The following PTPN2 variants were observed in gnomAD, a reference collection of about 807,000 sequenced individuals.
PTPN2 encodes tyrosine-protein phosphatase non-receptor type 2.
PTPN2 carries 19 observed loss-of-function variants against 57.3 expected under a neutral mutation model. The ratio of observed to expected loss-of-function variants is 0.33; its 90% CI spans 0.23 to 0.49. The LOEUF is 0.49. PTPN2 is among the 20% of genes least tolerant of loss of function. The pLI, the probability that PTPN2 is intolerant of heterozygous loss-of-function variation, is 0.99. For synonymous variants in PTPN2, 153 were observed against 164.9 expected (o/e 0.93, Z 0.55); for missense variants, 358 against 501.1 (o/e 0.71, Z 2.73).
chr18:12,836,400 T>C (rs534770524), intron 3 of PTPN2, among the ~76,000 whole-genome samples: 5 of 152,134 alleles, frequency 3.3e-5, no homozygotes, highest in Admixed American at 6.5e-5. Context: ...TCTGAAGATA[T>C]ATGCGAGGCA....
chr18:12,871,794 G>A (rs2044275658), intron 1 of PTPN2, among the ~76,000 whole-genome samples: 1 of 152,084 alleles, frequency 6.6e-6, no homozygotes, highest in Non-Finnish European at 1.5e-5. Context: ...TGGCTCACAT[G>A]TATAATCCCA....
chr18:12,829,728 T>C (rs1041377669), intron 4 of PTPN2, among the ~76,000 whole-genome samples: 1 of 151,864 alleles, frequency 6.6e-6, no homozygotes, highest in Non-Finnish European at 1.5e-5. Context: ...GGGAATCAAC[T>C]TTTTTTTGGA....
In PTPN2 at chr18:12,817,179, G is replaced by A; in HGVS notation, c.682C>T (p.Leu228=). ...ACCAAAACAAGACAAGTGTCTACCA[G>A]AGAGAAGGTGCCAGAGCGCCCAATG... is the stretch of plus-strand genomic sequence containing the variant. ...AGIGRSGTFS[L]VDTCLVLMEK... Residue 228 remains leucine, a synonymous_variant, in exon 6 of 9, where the codon CTG becomes TTG. Coordinates refer to ENST00000309660, the MANE Select transcript of PTPN2 (RefSeq NM_002828.4). 1.9e-6 allele frequency: 3 copies of A among 1,614,116 alleles called. No homozygotes were observed. The highest frequency in any genetic ancestry group is 1.1e-5 in the South Asian group (1 of 91,076).
chr18:12,867,025 CAAACA>C (rs1050702354), intron 1 of PTPN2, among the ~76,000 whole-genome samples: 30 of 125,612 alleles, frequency 2.4e-4, no homozygotes, highest in African/African-American at 1.0e-3. Context: ...AAAAAACAAA[CAAACA>C]AAAAAAAAAA....
chr18:12,789,935 G>C (rs939081749), downstream of PTPN2, among the ~76,000 whole-genome samples: 3 of 151,844 alleles, frequency 2.0e-5, no homozygotes, highest in Non-Finnish European at 2.9e-5. Context: ...GAGGGAGAGA[G>C]AGACAAATAT....
intron 2 of PTPN2, among the ~76,000 whole-genome samples, chr18:12,852,571 A>G (rs2043435711): frequency 6.6e-6 from 1 of 152,190 alleles, no homozygotes; most frequent in African/African-American, 2.4e-5. Flanking sequence ...GCTGGAGTGC[A>G]GTGGCACAAT....
intron 2 of PTPN2, among the ~76,000 whole-genome samples, chr18:12,850,443 CA>C (rs1490344158): frequency 3.3e-5 from 5 of 151,888 alleles, no homozygotes; most frequent in Admixed American, 6.6e-5. Flanking sequence ...GAGCTGAGAT[CA>C]CACCCCTGCA....
chr18:12,820,945 G>A (rs904943979), intron 5 of PTPN2, among the ~76,000 whole-genome samples: 2 of 152,212 alleles, frequency 1.3e-5, no homozygotes, highest in African/African-American at 2.4e-5. Flanking sequence ...TAACCTGTGA[G>A]TTGAGCAAGT....
chr18:12,867,174 C>T (rs2044024352), intron 1 of PTPN2, among the ~76,000 whole-genome samples: 1 of 151,824 alleles, frequency 6.6e-6, no homozygotes, highest in Non-Finnish European at 1.5e-5. Context: ...AAAAATAAAG[C>T]CAAGCGTAGT....
chr18:12,836,978 G>A, intron 2 of PTPN2, 87 bp from the exon 3 acceptor site: 1 of 799,862 alleles, frequency 1.3e-6, no homozygotes, highest in Non-Finnish European at 2.0e-6. Flanking sequence ...TTTATAAAAA[G>A]ACAGAAGAAA....
chr18:12,793,003 T>G lies in PTPN2; in HGVS notation c.*1275A>C, dbSNP rs1054165185. On this transcript the variant is annotated 3_prime_UTR_variant, in exon 9 of 9. Transcript: ENST00000309660. ...GATGCTGTGGTTGAAAGTAACCTCT[T>G]GACCCACCTGGACATCCAATGAGCA... is the stretch of plus-strand genomic sequence containing the variant. The G allele has an allele frequency of 2.0e-6, 2 of 985,200 alleles. No individual in the cohort carries two copies. The highest frequency in any genetic ancestry group is 2.4e-6 in the Non-Finnish European group (2 of 829,696). The allele number at this position is 985,200 out of a possible 1,614,324, so 61.0% of individuals were successfully genotyped here.
At chr18:12,798,070 G>A (rs1259837329) in intron 8 of PTPN2, among the ~76,000 whole-genome samples, 1 of 152,114 alleles carries the variant, frequency 6.6e-6, no homozygotes, top group East Asian at 1.9e-4. Context: ...TCAGTGATCT[G>A]GGTTTCTGGG....
At chr18:12,806,510 AAGC>A in intron 7 of PTPN2, among the ~76,000 whole-genome samples, 2 of 152,320 alleles carry the variant, frequency 1.3e-5, no homozygotes, top group South Asian at 4.1e-4. Flanking sequence ...TTTGAGCAAA[AAGC>A]TGGGGGCATC....
Position 12,792,946 on chromosome 18 carries a change from A to G in PTPN2, c.*1332T>C. Reference sequence around the variant, plus strand: ...TAAAATACTTAAGCCTTATGCAGAAATCTTATGTGGCATATAAAGAGACAA... The same window carrying G: ...TAAAATACTTAAGCCTTATGCAGAAGTCTTATGTGGCATATAAAGAGACAA... On this transcript the variant is annotated 3_prime_UTR_variant, in exon 9 of 9. Transcript: ENST00000309660. The G allele has an allele frequency of 3.0e-6, 3 of 984,932 alleles. No homozygotes were observed. The highest frequency in any genetic ancestry group is 3.6e-6 in the Non-Finnish European group (3 of 829,478). The allele number at this position is 984,932 out of a possible 1,614,324, so 61.0% of individuals were successfully genotyped here.
At chr18:12,796,499 C>A (rs1215185244) in intron 8 of PTPN2, among the ~76,000 whole-genome samples, 4 of 152,088 alleles carry the variant, frequency 2.6e-5, no homozygotes, top group Non-Finnish European at 5.9e-5. Flanking sequence ...CTTTGGTGTA[C>A]TGGAACCTTC....
intron 7 of PTPN2, among the ~76,000 whole-genome samples, chr18:12,805,288 C>T (rs557838359): frequency 6.6e-6 from 1 of 151,960 alleles, no homozygotes; most frequent in Admixed American, 6.6e-5. Flanking sequence ...GAAACCCCAT[C>T]TCTACTATAA....
intron 7 of PTPN2, among the ~76,000 whole-genome samples, chr18:12,813,763 G>A (rs184435093): frequency 1.6e-4 from 25 of 152,228 alleles, no homozygotes; most frequent in Non-Finnish European, 2.8e-4. Flanking sequence ...AGCTTAATGA[G>A]AATAAAGCCA....
intron 2 of PTPN2, among the ~76,000 whole-genome samples, chr18:12,846,491 C>T (rs1398380280): frequency 6.6e-6 from 1 of 152,150 alleles, no homozygotes; most frequent in South Asian, 2.1e-4. Flanking sequence ...TATTTTCATG[C>T]TCAGATTATC....
chr18:12,856,219 G>A (rs2145463586), intron 2 of PTPN2, among the ~76,000 whole-genome samples: 1 of 152,370 alleles, frequency 6.6e-6, no homozygotes, highest in Admixed American at 6.5e-5. Flanking sequence ...CTGAAGTCAG[G>A]AGAGGAGAGG....
Sources: gnomAD v4.1 joint callset for allele counts (sites outside exome capture counted in the v4.1 genomes callset) on GRCh38, gnomAD v4.1.1 for gene constraint, MANE v1.5 for transcripts, NCBI Gene and HGNC (gene_info 2026-07-23, HGNC 2026-07-21) for gene names.